ANO6: variants seen among roughly 807,000 people sequenced by gnomAD.
The protein encoded by ANO6 is anoctamin 6, also known as anoctamin-6.
A neutral mutation model predicts 117.5 loss-of-function variants in ANO6; 106 were observed. That is an observed-to-expected ratio of 0.90 (90% confidence interval 0.77 to 1.06). The LOEUF (loss-of-function observed/expected upper bound fraction) is 1.06. Ranked by LOEUF, ANO6 falls within the 50% of genes least tolerant of loss-of-function variation. The pLI is 0.00. For synonymous variants in ANO6, 367 were observed against 385.1 expected, an observed-to-expected ratio of 0.95 and a Z score of 0.55; for missense variants, 955 against 1,121.1, an observed-to-expected ratio of 0.85 and a Z score of 2.12.
Position 45,421,107 on chromosome 12 carries a change from C to G in ANO6, c.2254C>G (p.Arg752Gly). The change falls in exon 18 of 20, where the codon CGC (arginine) becomes GGC (glycine). Residue 752 changes from arginine (R) to glycine (G), a missense_variant. Transcript: ENST00000320560. Reference sequence around the variant, plus strand: ...AGCTTTCACGTCGGACATGATCCCCCGCCTAGTGTACTACTGGTCCTTCTC... The same window carrying G: ...AGCTTTCACGTCGGACATGATCCCCGGCCTAGTGTACTACTGGTCCTTCTC... ...IIAFTSDMIP[R>G]LVYYWSFSVP... The G allele has an allele frequency of 6.2e-7, 1 of 1,614,214 alleles. No homozygotes were observed. The highest frequency in any genetic ancestry group is 1.1e-5 in the South Asian group (1 of 91,086).
intron 1 of ANO6, among the ~76,000 whole-genome samples, chr12:45,252,406 A>G (rs1032999273): frequency 6.6e-5 from 10 of 152,238 alleles, no homozygotes; most frequent in African/African-American, 2.4e-4. Flanking sequence ...ATTACAGGAA[A>G]GTGGCCAGAA....
chr12:45,286,936 T>C (rs1250906625), intron 1 of ANO6, among the ~76,000 whole-genome samples: 3 of 152,178 alleles, frequency 2.0e-5, no homozygotes, highest in African/African-American at 7.2e-5. Flanking sequence ...AGGTCTGTCT[T>C]ACTCCAGCAG....
At chr12:45,358,484 A>T (rs1472525853) in intron 8 of ANO6, among the ~76,000 whole-genome samples, 1 of 152,140 alleles carries the variant, frequency 6.6e-6, no homozygotes, top group Non-Finnish European at 1.5e-5. Flanking sequence ...TTAAAAAAAA[A>T]AAATCAAAAA....
At chr12:45,437,818 C>G (rs1943725088) in intron 19 of ANO6, among the ~76,000 whole-genome samples, 1 of 152,168 alleles carries the variant, frequency 6.6e-6, no homozygotes, top group African/African-American at 2.4e-5. Flanking sequence ...AATCCACCCA[C>G]CTTGCCTCCC....
intron 1 of ANO6, among the ~76,000 whole-genome samples, chr12:45,259,679 A>G (rs1010427270): frequency 6.6e-6 from 1 of 152,226 alleles, no homozygotes; most frequent in Admixed American, 6.5e-5. Context: ...CAACTAAGCC[A>G]TTATAGTATG....
intron 1 of ANO6, among the ~76,000 whole-genome samples, chr12:45,228,989 A>AG (rs1360533690): frequency 1.8e-4 from 28 of 152,226 alleles, no homozygotes; most frequent in African/African-American, 6.5e-4. Flanking sequence ...TTGGGTCTGG[A>AG]GGGGAGAAGG....
chr12:45,237,442 G>C (rs1028629774), intron 1 of ANO6, among the ~76,000 whole-genome samples: 7 of 152,126 alleles, frequency 4.6e-5, no homozygotes, highest in Admixed American at 6.5e-5. Context: ...TTCTACATAT[G>C]GCTAGCCAGT....
At chr12:45,225,457 G>A (rs1201683663) in intron 1 of ANO6, among the ~76,000 whole-genome samples, 4 of 151,762 alleles carry the variant, frequency 2.6e-5, no homozygotes, top group African/African-American at 9.7e-5. Flanking sequence ...TCACATAGTA[G>A]ATGTTCAACA....
intron 1 of ANO6, among the ~76,000 whole-genome samples, chr12:45,284,723 A>T (rs1650070116): frequency 6.6e-6 from 1 of 152,174 alleles, no homozygotes; most frequent in Non-Finnish European, 1.5e-5. Context: ...TGTATCTAAG[A>T]CCTACTGTAA....
chr12:45,416,624 C>T (rs774908360), intron 16 of ANO6, 75 bp from the exon 17 acceptor site: 3 of 1,442,920 alleles, frequency 2.1e-6, no homozygotes, highest in Non-Finnish European at 2.9e-6. Flanking sequence ...TTGCCTTTCT[C>T]TTTCAAGAGT....
intron 4 of ANO6, chr12:45,347,314 G>A (rs1286354958): frequency 4.2e-6 from 2 of 478,636 alleles, no homozygotes; most frequent in Admixed American, 3.7e-5. Context: ...ATGAATGCAT[G>A]TATGAATGAT....
At chr12:45,311,943 A>G (rs1167056332) in intron 2 of ANO6, among the ~76,000 whole-genome samples, 1 of 152,046 alleles carries the variant, frequency 6.6e-6, no homozygotes, top group Non-Finnish European at 1.5e-5. Flanking sequence ...TCCTCATTTA[A>G]CATATTATTA....
intron 1 of ANO6, among the ~76,000 whole-genome samples, chr12:45,236,157 A>G (rs1009616187): frequency 6.6e-6 from 1 of 152,236 alleles, no homozygotes; most frequent in Non-Finnish European, 1.5e-5. Flanking sequence ...AAAGTGATAA[A>G]TTCTGTGAAG....
chr12:45,293,989 G>T (rs1206760513), intron 1 of ANO6, among the ~76,000 whole-genome samples: 2 of 152,232 alleles, frequency 1.3e-5, no homozygotes, highest in Admixed American at 1.3e-4. Context: ...GGAGCATGAA[G>T]TGGAGGCAAG....
At chr12:45,265,469 A>C (rs905781159) in intron 1 of ANO6, among the ~76,000 whole-genome samples, 25 of 152,168 alleles carry the variant, frequency 1.6e-4, no homozygotes, top group African/African-American at 6.0e-4. Context: ...AATAAATGAT[A>C]ATGATAGCAG....
chr12:45,275,353 G>A (rs1382891188), intron 1 of ANO6, among the ~76,000 whole-genome samples: 1 of 152,044 alleles, frequency 6.6e-6, no homozygotes, highest in African/African-American at 2.4e-5. Context: ...GGGATTACAG[G>A]CACCCGCCCC....
At chr12:45,317,563 A>G (rs1024359552) in intron 2 of ANO6, among the ~76,000 whole-genome samples, 10 of 151,900 alleles carry the variant, frequency 6.6e-5, no homozygotes, top group African/African-American at 2.4e-4. Flanking sequence ...GCTATTGTGA[A>G]TAGTGCTGCA....
At chr12:45,223,592 T>C (rs1382269553) in intron 1 of ANO6, among the ~76,000 whole-genome samples, 1 of 152,240 alleles carries the variant, frequency 6.6e-6, no homozygotes, top group Admixed American at 6.5e-5. Flanking sequence ...TTTTGTTCTA[T>C]GCAGTTAGCA....
intron 2 of ANO6, among the ~76,000 whole-genome samples, chr12:45,305,545 A>G (rs1335333969): frequency 2.6e-5 from 4 of 152,340 alleles, no homozygotes; most frequent in Non-Finnish European, 4.4e-5. Context: ...TTCTGGAACT[A>G]TGTGAATGGT....
Sources: allele counts gnomAD v4.1 joint callset (sites outside exome capture counted in the v4.1 genomes callset), GRCh38; gene constraint gnomAD v4.1.1; transcripts MANE v1.5; gene names NCBI Gene and HGNC (gene_info 2026-07-23, HGNC 2026-07-21).